The following CTDSP2 variants were observed in gnomAD, a reference collection of about 807,000 sequenced individuals.
CTDSP2 encodes CTD small phosphatase 2, also known as carboxy-terminal domain RNA polymerase II polypeptide A small phosphatase 2.
Under a neutral mutation model 31.6 loss-of-function variants are expected in CTDSP2, and 9 were observed. The observed-to-expected ratio is 0.28, with a 90% CI of 0.17 to 0.50. CTDSP2 has a LOEUF of 0.50. Ranked by LOEUF, CTDSP2 falls within the 20% of genes least tolerant of loss-of-function variation. The probability of loss-of-function intolerance (pLI) is 0.98; values close to 1 mark genes in which losing one functional copy is unlikely to be tolerated. For synonymous variants in CTDSP2, 134 were observed against 134.5 expected, an observed-to-expected ratio of 1.00 and a Z score of 0.03; for missense variants, 267 against 348.5, an observed-to-expected ratio of 0.77 and a Z score of 1.86.
chr12:57,824,511 G>A (rs1956170543), intron 5 of CTDSP2, 192 bp from the exon 6 acceptor site: 37 of 662,392 alleles, frequency 5.6e-5, no homozygotes, highest in South Asian at 5.5e-4. Flanking sequence ...CCCTCACCAG[G>A]CTTCCAATGG....
At chr12:57,841,552 C>T (rs773017633) in intron 1 of CTDSP2, among the ~76,000 whole-genome samples, 2 of 152,236 alleles carry the variant, frequency 1.3e-5, no homozygotes, top group South Asian at 2.1e-4. Context: ...AGGCACCAGA[C>T]AGAATGGCCA....
At chr12:57,829,387 G>A in intron 2 of CTDSP2, 61 bp downstream of exon 2, 1 of 1,572,736 alleles carries the variant, frequency 6.4e-7, no homozygotes, top group Non-Finnish European at 8.7e-7. Flanking sequence ...GCCATCGTCT[G>A]CAGGGATCTC....
Position 57,846,715 on chromosome 12 carries a change from G to T in CTDSP2, c.-280C>A. 2.9e-6 allele frequency: 1 copy of T among 349,922 alleles called. No individual in the cohort carries two copies. The highest frequency in any genetic ancestry group is 5.1e-6 in the Non-Finnish European group (1 of 195,870). 21.7% of individuals were successfully genotyped at this position (349,922 alleles called of 1,614,324 possible). ...GTTTGGGTCCAACATGGAGAATCCG[G>T]AGCGAAAACAAGAGGAGGAAATGGG... On this transcript the variant is annotated 5_prime_UTR_variant, in exon 1 of 8. Coordinates refer to ENST00000398073, the MANE Select transcript of CTDSP2 (RefSeq NM_005730.4).
Position 57,826,985 on chromosome 12 carries a change from C to G in CTDSP2, c.354+11G>C. 6.3e-7 allele frequency: 1 copy of G among 1,596,858 alleles called. No individual in the cohort carries two copies. The highest frequency in any genetic ancestry group is 8.6e-7 in the Non-Finnish European group (1 of 1,165,844). ...AGATAAAGGTAGGAAGGGTTCCAGACATTGAGTTACCTTAAAGGAGCTATG... is the reference window on the plus strand; with the variant it reads ...AGATAAAGGTAGGAAGGGTTCCAGAGATTGAGTTACCTTAAAGGAGCTATG... On this transcript the variant is annotated intron_variant, in intron 4 of 7. Transcript: ENST00000398073.
intron 1 of CTDSP2, among the ~76,000 whole-genome samples, chr12:57,830,368 G>C (rs1337651144): frequency 1.4e-5 from 2 of 145,916 alleles, no homozygotes; most frequent in Admixed American, 6.7e-5. Context: ...CTGGATGACA[G>C]AGTGAGACTC....
At chr12:57,825,025 CTTATT>C (rs1956174441) in intron 5 of CTDSP2, among the ~76,000 whole-genome samples, 1 of 152,064 alleles carries the variant, frequency 6.6e-6, no homozygotes, top group South Asian at 2.1e-4. Context: ...TCTTTATTTA[CTTATT>C]TTTTTTAGAG....
At chr12:57,824,932 C>A (rs139739010) in intron 5 of CTDSP2, among the ~76,000 whole-genome samples, 7 of 152,334 alleles carry the variant, frequency 4.6e-5, no homozygotes, top group African/African-American at 1.4e-4. Context: ...CCTGACCCCC[C>A]ATCGGTCTGC....
At position 57,846,359 on chromosome 12, in the gene CTDSP2, T is replaced by G. The variant is rs747460208; in HGVS notation, c.64+13A>C. ...GGGGGCGACGCAAAGTTTTGGGAAG[T>G]TGCTGCCCCTACCTTGCTTGGTGAG... On this transcript the variant is annotated intron_variant, in intron 1 of 7. Coordinates refer to ENST00000398073, the MANE Select transcript of CTDSP2 (RefSeq NM_005730.4). 6.2e-7 allele frequency: 1 copy of G among 1,603,584 alleles called. No homozygotes were observed.
chr12:57,821,803 TTA>T lies in CTDSP2; in HGVS notation c.*1797_*1798del, dbSNP rs1358247726. ...TGAGTTCTGGGGACTCTGTTCCACT[TTA>T]TGATTCCAAAGAGAAAGACAAGGCC... On this transcript the variant is annotated 3_prime_UTR_variant, in exon 8 of 8. Coordinates refer to ENST00000398073, the MANE Select transcript of CTDSP2 (RefSeq NM_005730.4). 1 of 152,164 alleles carries T rather than the reference TTA, an allele frequency of 6.6e-6. No homozygotes were observed. Among genetic ancestry groups the T allele is most frequent in the African/African-American group, 2.4e-5 (1 of 41,446 alleles). 9.4% of individuals were successfully genotyped at this position (152,164 alleles called of 1,614,324 possible).
In CTDSP2 at chr12:57,822,312, G is replaced by A. The variant is rs1956151596; in HGVS notation, c.*1290C>T. 1 of 152,204 alleles carries A rather than the reference G, an allele frequency of 6.6e-6. No homozygotes were observed. The highest frequency in any genetic ancestry group is 1.5e-5 in the Non-Finnish European group (1 of 68,036). 9.4% of individuals were successfully genotyped at this position (152,204 alleles called of 1,614,324 possible). A position where few individuals can be genotyped will look rare whatever the true frequency, so the allele number is the denominator to read the frequency against. On this transcript the variant is annotated 3_prime_UTR_variant, in exon 8 of 8. Transcript: ENST00000398073. ...CACTATTAAGAACCTTTGAAAGCAG[G>A]AGACACCCAGAGTGCAGGTCTGAGG...
chr12:57,842,264 G>A (rs1449551168), intron 1 of CTDSP2: 1 of 152,170 alleles, frequency 6.6e-6, no homozygotes, highest in African/African-American at 2.4e-5. Context: ...CACAGGTTGG[G>A]AGCATCAATT....
intron 5 of CTDSP2, among the ~76,000 whole-genome samples, chr12:57,825,967 T>G (rs1280181430): frequency 6.6e-6 from 1 of 152,194 alleles, no homozygotes; most frequent in Non-Finnish European, 1.5e-5. Flanking sequence ...TTAAGGTATC[T>G]TAACAGGTAT....
In CTDSP2 at chr12:57,824,456, C is replaced by T. The variant is rs1956169954; in HGVS notation, c.412-137G>A. 6 of 709,612 alleles carry T rather than the reference C, an allele frequency of 8.5e-6. No homozygotes were observed. In the East Asian group the frequency reaches 1.6e-4, roughly 19 times the overall value. 44.0% of individuals were successfully genotyped at this position (709,612 alleles called of 1,614,324 possible). A position where few individuals can be genotyped will look rare whatever the true frequency, so the allele number is the denominator to read the frequency against. On this transcript the variant is annotated intron_variant, in intron 5 of 7. Coordinates refer to ENST00000398073, the MANE Select transcript of CTDSP2 (RefSeq NM_005730.4). ...GCCTCCTGGGCTACCTGGCTGGAAG[C>T]CTGCGGCCCCCTGAGACCCCACAGA... is the stretch of plus-strand genomic sequence containing the variant.
chr12:57,826,913 CT>C, intron 4 of CTDSP2, 82 bp downstream of exon 4: 2 of 1,122,748 alleles, frequency 1.8e-6, no homozygotes, highest in Non-Finnish European at 2.6e-6. Context: ...CTTTCCTCAC[CT>C]TTAGGCTGCC....
chr12:57,838,350 C>T (rs1374766460), intron 1 of CTDSP2, among the ~76,000 whole-genome samples: 2 of 152,150 alleles, frequency 1.3e-5, no homozygotes, highest in Non-Finnish European at 2.9e-5. Context: ...GAGACCCTGC[C>T]CTATGTAGCA....
intron 1 of CTDSP2, among the ~76,000 whole-genome samples, chr12:57,830,131 A>T (rs1956205917): frequency 6.6e-6 from 1 of 152,200 alleles, no homozygotes; most frequent in Non-Finnish European, 1.5e-5. Context: ...CACGCCTGTA[A>T]TTCCAGCACT....
rs1348128779 is a variant in CTDSP2 at position 57,829,523 on chromosome 12, G to A, written c.138C>T (p.Arg46=). ...AACTTGACTGGCCAACATGCTGGGC[G>A]CGAAAACAGCAGAAAAGGGCCTTGA... ...NIFKALFCCF[R]AQHVGQSSSS... is the part of the protein sequence containing the mutation. Residue 46 remains arginine (R), a synonymous_variant, in exon 2 of 8, where the codon CGC becomes CGT. Transcript: ENST00000398073. The A allele has an allele frequency of 3.7e-6, 6 of 1,614,120 alleles. No homozygotes were observed. Among genetic ancestry groups the A allele is most frequent in the African/African-American group, 1.3e-5 (1 of 75,028 alleles).
At chr12:57,832,271 C>G (rs1010422898) in intron 1 of CTDSP2, among the ~76,000 whole-genome samples, 3 of 152,216 alleles carry the variant, frequency 2.0e-5, no homozygotes, top group African/African-American at 7.2e-5. Context: ...CTTTCAAGCT[C>G]CTGGCTCTGG....
intron 1 of CTDSP2, among the ~76,000 whole-genome samples, chr12:57,831,221 C>T (rs1797424883): frequency 6.6e-6 from 1 of 151,552 alleles, no homozygotes; most frequent in Non-Finnish European, 1.5e-5. Flanking sequence ...TTTGGGAGGC[C>T]GAGGCAGGTG....
Sources: allele counts gnomAD v4.1 joint callset (sites outside exome capture counted in the v4.1 genomes callset), GRCh38; gene constraint gnomAD v4.1.1; transcripts MANE v1.5; gene names NCBI Gene and HGNC (gene_info 2026-07-23, HGNC 2026-07-21).